DDX18: variants seen among roughly 807,000 people sequenced by gnomAD.
DDX18 encodes the protein ATP-dependent RNA helicase DDX18.
In DDX18, 23 loss-of-function variants were observed where a neutral mutation model predicts 73.5. The observed-to-expected ratio is 0.31, with a 90% CI of 0.23 to 0.44. DDX18 has a LOEUF of 0.44. DDX18 is among the 20% of genes least tolerant of loss of function. The pLI is 1.00. For synonymous variants in DDX18, 268 were observed against 282.7 expected, an observed-to-expected ratio of 0.95 and a Z score of 0.52; for missense variants, 753 against 792.9, an observed-to-expected ratio of 0.95 and a Z score of 0.60.
chr2:117,815,090 A>G, intron 1 of DDX18: 2 of 570,536 alleles, frequency 3.5e-6, no homozygotes, highest in Non-Finnish European at 6.3e-6. Context: ...GTCTTCTTAC[A>G]ACGTTAGAGC....
chr2:117,816,411 T>A (rs1440282113), intron 1 of DDX18, among the ~76,000 whole-genome samples: 1 of 130,906 alleles, frequency 7.6e-6, no homozygotes, highest in East Asian at 2.1e-4. Context: ...ATGTGATTTT[T>A]ATTTTATTTT....
chr2:117,831,097 C>G lies in DDX18; in HGVS notation c.*373C>G, dbSNP rs1170742814. ...TTTGTGGCATGGATTGCTGTGCTCA[C>G]TGCTGTAAAAGGTGACCTAGTGTAC... On this transcript the variant is annotated 3_prime_UTR_variant, in exon 14 of 14. Transcript: ENST00000263239. The G allele has an allele frequency of 5.0e-6, 1 of 199,550 alleles. No individual in the cohort carries two copies. The highest frequency in any genetic ancestry group is 2.4e-5 in the African/African-American group (1 of 41,874). 12.4% of individuals were successfully genotyped at this position (199,550 alleles called of 1,614,324 possible). A position where few individuals can be genotyped will look rare whatever the true frequency, so the allele number is the denominator to read the frequency against.
chr2:117,824,519 G>C, intron 7 of DDX18, 50 bp from the exon 8 acceptor site: 1 of 1,328,708 alleles, frequency 7.5e-7, no homozygotes, highest in Non-Finnish European at 9.7e-7. Context: ...TGAGGCAATT[G>C]TAAAGATTCC....
chr2:117,822,631 C>G lies in DDX18; in HGVS notation c.1066+370C>G, dbSNP rs75218952. The stretch of plus-strand genomic sequence containing the variant: ...CTGGTTATAACTAAGACCATGGTTT[C>G]CTTCATTATATAATTTATTTTTAAA... On this transcript the variant is annotated intron_variant, in intron 7 of 13. Transcript: ENST00000263239. 212 of 164,312 alleles carry G rather than the reference C, an allele frequency of 1.3e-3. 6 individuals carry two copies. In the East Asian group the frequency reaches 0.035, roughly 27 times the overall value. The allele number at this position is 164,312 out of a possible 1,614,324, so 10.2% of individuals were successfully genotyped here.
intron 13 of DDX18, 109 bp downstream of exon 13, chr2:117,829,575 G>C: frequency 9.5e-7 from 1 of 1,049,030 alleles, no homozygotes; most frequent in Non-Finnish European, 1.4e-6. Flanking sequence ...CAGACTGGAG[G>C]CTCCAGTGTT....
At chr2:117,817,846 T>C (rs1246399135) in intron 2 of DDX18, 118 bp downstream of exon 2, 6 of 1,058,152 alleles carry the variant, frequency 5.7e-6, no homozygotes, top group Non-Finnish European at 6.7e-6. Context: ...CACCAGTATG[T>C]TAGAGATTAG....
At chr2:117,817,386 T>C (rs557653854) in intron 1 of DDX18, 58 bp from the exon 2 acceptor site, 2 of 1,465,512 alleles carry the variant, frequency 1.4e-6, no homozygotes, top group East Asian at 2.3e-5. Flanking sequence ...GGGATTTCAG[T>C]GTTTCTAAGT....
intron 11 of DDX18, 87 bp downstream of exon 11, chr2:117,826,469 G>C (rs1679930199): frequency 1.6e-6 from 2 of 1,220,552 alleles, no homozygotes; most frequent in African/African-American, 1.5e-5. Context: ...GGAGTCTCGA[G>C]TCTGGCCAGT....
chr2:117,829,508 A>G lies in DDX18; in HGVS notation c.1870+42A>G, dbSNP rs770272463. On this transcript the variant is annotated intron_variant, in intron 13 of 13. Coordinates refer to ENST00000263239, the MANE Select transcript of DDX18 (RefSeq NM_006773.4). Reference sequence around the variant, plus strand: ...TGAAGTTATCCTGTGACTAAGGAACAAAAGCTTGACAGAGGGGCATTTGGG... The same window carrying G: ...TGAAGTTATCCTGTGACTAAGGAACGAAAGCTTGACAGAGGGGCATTTGGG... 3 of 1,574,374 alleles carry G rather than the reference A, an allele frequency of 1.9e-6. No individual in the cohort carries two copies. The African/African-American group carries it at 4.1e-5, about 21-fold the overall frequency.
chr2:117,828,634 G>T, intron 11 of DDX18: 1 of 238,760 alleles, frequency 4.2e-6, no homozygotes, highest in Admixed American at 5.3e-5. Context: ...GGGGCTGATG[G>T]CCCTTCTGAC....
At chr2:117,820,271 G>T (rs1679825125) in intron 3 of DDX18, among the ~76,000 whole-genome samples, 1 of 152,182 alleles carries the variant, frequency 6.6e-6, no homozygotes, top group Non-Finnish European at 1.5e-5. Context: ...CCCTAGACCT[G>T]CTTAATCCAA....
At chr2:117,815,617 T>C (rs910625767) in intron 1 of DDX18, 9 of 152,284 alleles carry the variant, frequency 5.9e-5, no homozygotes, top group African/African-American at 2.2e-4. Context: ...AAAAAAATTC[T>C]GCAGGAGGCA....
chr2:117,829,029 G>A, intron 12 of DDX18, 24 bp downstream of exon 12: 1 of 1,586,932 alleles, frequency 6.3e-7, no homozygotes. Flanking sequence ...AAACGTTTGT[G>A]AGTAAACAGG....
rs770349921 is a variant in DDX18 at position 117,822,126 on chromosome 2, C to T, written c.952-21C>T. 6.8e-6 allele frequency: 11 copies of T among 1,613,138 alleles called. No homozygotes were observed. In the East Asian group the frequency reaches 2.5e-4, roughly 36 times the overall value. On this transcript the variant is annotated intron_variant, in intron 6 of 13. Transcript: ENST00000263239. ...CATAAACTGACAACTAATGGTTGTT[C>T]TTTGTCCTTTGTTTTGTTAGAATAC... is the stretch of plus-strand genomic sequence containing the variant.
intron 4 of DDX18, 36 bp from the exon 5 acceptor site, chr2:117,821,614 C>T (rs1330045826): frequency 1.2e-6 from 2 of 1,609,538 alleles, no homozygotes; most frequent in Non-Finnish European, 1.7e-6. Context: ...AATGAGTAGG[C>T]TAAATGTCTT....
In DDX18 at chr2:117,826,034, C is replaced by CTTTTTTT. The variant is rs59119058; in HGVS notation, c.1522-213_1522-207dup. On this transcript the variant is annotated intron_variant, in intron 10 of 13. Coordinates refer to ENST00000263239, the MANE Select transcript of DDX18 (RefSeq NM_006773.4). ...TGTTAATGCAAACATCATGTCCAGC[C>CTTTTTTT]TTTTTTTTTTTTTTTTTTTTTTTTT... 95 of 97,294 alleles carry CTTTTTTT rather than the reference C, an allele frequency of 9.8e-4. 19 individuals carry two copies. Among genetic ancestry groups the CTTTTTTT allele is most frequent in the African/African-American group, 5.8e-3 (70 of 12,050 alleles). The allele number at this position is 97,294 out of a possible 1,614,324, so 6.0% of individuals were successfully genotyped here. A position where few individuals can be genotyped will look rare whatever the true frequency, so the allele number is the denominator to read the frequency against.
intron 7 of DDX18, chr2:117,822,917 A>G (rs1177845643): frequency 1.3e-5 from 2 of 152,528 alleles, no homozygotes; most frequent in African/African-American, 4.8e-5. Context: ...GTGAACAGTC[A>G]TCTACAACTC....
intron 12 of DDX18, 81 bp downstream of exon 12, chr2:117,829,086 T>C (rs2104627506): frequency 4.5e-6 from 6 of 1,328,150 alleles, no homozygotes; most frequent in Non-Finnish European, 2.2e-6. Context: ...GGGCAATCAC[T>C]GTCCTTTGAA....
At chr2:117,826,411 C>A in intron 11 of DDX18, 29 bp downstream of exon 11, 1 of 1,597,284 alleles carries the variant, frequency 6.3e-7, no homozygotes, top group African/African-American at 1.3e-5. Context: ...AGAAAGATTT[C>A]TCTTGGTGTA....
Sources: allele counts gnomAD v4.1 joint callset (sites outside exome capture counted in the v4.1 genomes callset), GRCh38; gene constraint gnomAD v4.1.1; transcripts MANE v1.5; gene names NCBI Gene and HGNC (gene_info 2026-07-23, HGNC 2026-07-21).